Variants in UVRAG observed in about 807,000 individuals in gnomAD.
UVRAG encodes UV radiation resistance-associated gene protein.
In UVRAG, 19 loss-of-function variants were observed where a neutral mutation model predicts 78.0. The observed-to-expected ratio is 0.24, with a 90% CI of 0.17 to 0.36. The LOEUF is 0.36. UVRAG is among the 10% of genes least tolerant of loss of function. The probability of loss-of-function intolerance (pLI) is 1.00; values close to 1 mark genes in which losing one functional copy is unlikely to be tolerated. For missense variants in UVRAG, 740 were observed against 853.8 expected, an observed-to-expected ratio of 0.87 and a Z score of 1.66; for synonymous variants, 323 against 324.6, an observed-to-expected ratio of 1.00 and a Z score of 0.05.
At chr11:75,992,283 A>C (rs17134493) in intron 8 of UVRAG, among the ~76,000 whole-genome samples, 1 of 152,040 alleles carries the variant, frequency 6.6e-6, no homozygotes, top group Non-Finnish European at 1.5e-5. Context: ...TTGAATCTCT[A>C]TTTTATCATG....
At chr11:76,041,675 T>C (rs1246422736) in intron 12 of UVRAG, among the ~76,000 whole-genome samples, 2 of 152,266 alleles carry the variant, frequency 1.3e-5, no homozygotes, top group Non-Finnish European at 2.9e-5. Flanking sequence ...ATTTATCTTT[T>C]GTTCATCTGT....
chr11:76,026,042 C>A (rs1248188388), intron 12 of UVRAG, among the ~76,000 whole-genome samples: 3 of 152,122 alleles, frequency 2.0e-5, no homozygotes, highest in Non-Finnish European at 2.9e-5. Context: ...GATTCCTTAT[C>A]TCTGTATTCC....
At chr11:76,060,740 C>T (rs1280403519) in intron 12 of UVRAG, among the ~76,000 whole-genome samples, 1 of 152,218 alleles carries the variant, frequency 6.6e-6, no homozygotes, top group East Asian at 1.9e-4. Context: ...CTGGGTCCCC[C>T]AGCAGTGCCA....
At chr11:76,131,608 C>T (rs1385102544) in intron 14 of UVRAG, among the ~76,000 whole-genome samples, 3 of 152,218 alleles carry the variant, frequency 2.0e-5, no homozygotes, top group Non-Finnish European at 2.9e-5. Context: ...ACCTTCCAAG[C>T]AAAGCCCCGG....
chr11:76,041,122 CAATT>C (rs955622113), intron 12 of UVRAG, among the ~76,000 whole-genome samples: 2 of 152,044 alleles, frequency 1.3e-5, no homozygotes, highest in African/African-American at 4.8e-5. Context: ...ACAAACCACT[CAATT>C]AAAAAATTAT....
intron 4 of UVRAG, among the ~76,000 whole-genome samples, chr11:75,887,184 C>T (rs1408141400): frequency 2.0e-5 from 3 of 151,980 alleles, no homozygotes; most frequent in Admixed American, 6.6e-5. Flanking sequence ...CTTGCTTGGT[C>T]GCCCAGGCTG....
At chr11:75,963,269 A>G (rs1338082447) in intron 7 of UVRAG, among the ~76,000 whole-genome samples, 1 of 152,170 alleles carries the variant, frequency 6.6e-6, no homozygotes, top group Non-Finnish European at 1.5e-5. Flanking sequence ...GCCACACAGT[A>G]GGTGCTCAAT....
At chr11:75,857,697 C>T (rs911460420) in intron 2 of UVRAG, among the ~76,000 whole-genome samples, 1 of 151,892 alleles carries the variant, frequency 6.6e-6, no homozygotes, top group Non-Finnish European at 1.5e-5. Flanking sequence ...ACCATGTTGG[C>T]CAGTATGGTC....
At chr11:75,874,047 G>C (rs1946709136) in intron 3 of UVRAG, among the ~76,000 whole-genome samples, 1 of 152,160 alleles carries the variant, frequency 6.6e-6, no homozygotes, top group African/African-American at 2.4e-5. Flanking sequence ...TTTTGTCTCA[G>C]CTCTAGTCAG....
At chr11:75,877,314 T>G (rs987765524) in intron 3 of UVRAG, among the ~76,000 whole-genome samples, 2 of 152,218 alleles carry the variant, frequency 1.3e-5, no homozygotes, top group African/African-American at 4.8e-5. Flanking sequence ...CCGCTTTCTA[T>G]TCCACAAAAC....
chr11:76,064,323 C>T (rs145209211), intron 12 of UVRAG, among the ~76,000 whole-genome samples: 2 of 152,240 alleles, frequency 1.3e-5, no homozygotes, highest in South Asian at 2.1e-4. Context: ...CTAAAGTGCC[C>T]CTGTTGGGTA....
At chr11:75,927,085 T>C (rs1157342000) in intron 6 of UVRAG, among the ~76,000 whole-genome samples, 1 of 151,846 alleles carries the variant, frequency 6.6e-6, no homozygotes, top group Admixed American at 6.6e-5. Flanking sequence ...TTTTTTTTTT[T>C]TTGAGATGAA....
At chr11:75,830,724 T>C (rs1945636949) in intron 1 of UVRAG, among the ~76,000 whole-genome samples, 1 of 152,244 alleles carries the variant, frequency 6.6e-6, no homozygotes, top group African/African-American at 2.4e-5. Flanking sequence ...TCTGTGCACA[T>C]TTTTAACCTC....
intron 1 of UVRAG, among the ~76,000 whole-genome samples, chr11:75,844,039 C>A (rs923954078): frequency 6.6e-6 from 1 of 150,966 alleles, no homozygotes; most frequent in Non-Finnish European, 1.5e-5. Flanking sequence ...ATGTTATGAT[C>A]GGGAGAATAT....
intron 6 of UVRAG, among the ~76,000 whole-genome samples, chr11:75,954,826 A>G (rs868242605): frequency 7.9e-5 from 12 of 152,222 alleles, no homozygotes; most frequent in Admixed American, 5.9e-4. Flanking sequence ...GGTGCCATAC[A>G]CATGAAGTAG....
rs113255073 is a variant in UVRAG, at chr11:76,089,238, C to T, written c.1305+23450C>T. On this transcript the variant is annotated intron_variant, in intron 13 of 14. Coordinates refer to ENST00000356136, the MANE Select transcript of UVRAG (RefSeq NM_003369.4). The stretch of plus-strand genomic sequence containing the variant: ...GATTAAGGAGAAATTATACAGTAAG[C>T]GAACATTTTCCCCAAAATATATGCC... 6.9e-3 allele frequency among the ~76,000 whole-genome samples: 1,042 copies of T among 152,098 alleles called. 17 individuals are homozygous for T. The highest frequency in any genetic ancestry group is 0.024 in the African/African-American group (997 of 41,472).
intron 4 of UVRAG, among the ~76,000 whole-genome samples, chr11:75,880,335 T>C (rs746521237): frequency 4.6e-5 from 7 of 152,238 alleles, no homozygotes; most frequent in Non-Finnish European, 7.3e-5. Context: ...TCATAGCATT[T>C]TGCTTTTTCT....
At position 75,846,829 on chromosome 11, in the gene UVRAG, A is replaced by ATTTTT. The variant is rs1186042364; in HGVS notation, c.118-5046_118-5042dup. ...GTCAGTTCTCTGACTTTGTTCTTTC[A>ATTTTT]TTTTTTTTTTTTGAGACGGAGTCTT... On this transcript the variant is annotated intron_variant, in intron 1 of 14. Coordinates refer to ENST00000356136, the MANE Select transcript of UVRAG (RefSeq NM_003369.4). Among the ~76,000 whole-genome samples the ATTTTT allele has an allele frequency of 2.1e-5, 3 of 142,292 alleles. No homozygotes were observed. The East Asian group carries it at 6.1e-4, about 29-fold the overall frequency. The allele number at this position is 142,292 out of a possible 152,430, so 93.3% of individuals were successfully genotyped here.
chr11:76,004,218 A>G (rs1181061073), intron 9 of UVRAG, 129 bp downstream of exon 9: 4 of 814,862 alleles, frequency 4.9e-6, no homozygotes, highest in Non-Finnish European at 6.0e-6. Context: ...ACATTCGTTT[A>G]TTCAACACAT....
Sources: gnomAD v4.1 joint callset for allele counts (sites outside exome capture counted in the v4.1 genomes callset) on GRCh38, gnomAD v4.1.1 for gene constraint, MANE v1.5 for transcripts, NCBI Gene and HGNC (gene_info 2026-07-23, HGNC 2026-07-21) for gene names.